RBM25: variants seen among roughly 807,000 people sequenced by gnomAD.
RBM25 encodes the protein RNA binding motif protein 25.
Under a neutral mutation model 120.7 loss-of-function variants are expected in RBM25, and 19 were observed. The ratio of observed to expected loss-of-function variants is 0.16; its 90% CI spans 0.11 to 0.23. The LOEUF is 0.23. RBM25 is among the 10% of genes least tolerant of loss of function. The pLI, the probability that RBM25 is intolerant of heterozygous loss-of-function variation, is 1.00. For synonymous variants in RBM25, 390 were observed against 326.7 expected, an observed-to-expected ratio of 1.19 and a Z score of -2.09; for missense variants, 605 against 1,041.5, an observed-to-expected ratio of 0.58 and a Z score of 5.77.
intron 14 of RBM25, among the ~76,000 whole-genome samples, 176 bp downstream of exon 14, chr14:73,109,668 C>T (rs923827278): frequency 6.6e-6 from 1 of 152,010 alleles, no homozygotes; most frequent in East Asian, 2.0e-4. Context: ...TGGTGGGCGC[C>T]TGTAGTCCCA....
intron 2 of RBM25, among the ~76,000 whole-genome samples, chr14:73,074,492 G>T (rs1895367322): frequency 2.0e-5 from 3 of 152,070 alleles, no homozygotes; most frequent in Admixed American, 2.0e-4. Context: ...CATCACTTTG[G>T]GAGGCTGAGG....
intron 16 of RBM25, 35 bp downstream of exon 16, chr14:73,111,837 G>A (rs1566601340): frequency 6.5e-7 from 1 of 1,533,026 alleles, no homozygotes. Context: ...ATATTATTGG[G>A]AACAGTTGGA....
chr14:73,061,873 T>C (rs1181377156), intron 1 of RBM25, among the ~76,000 whole-genome samples: 1 of 151,440 alleles, frequency 6.6e-6, no homozygotes, highest in African/African-American at 2.4e-5. Context: ...GCCTTGTTTT[T>C]GTTTTTAAAA....
chr14:73,119,680 C>G (rs1001237806), intron 18 of RBM25, 33 bp from the exon 19 acceptor site: 3 of 1,608,314 alleles, frequency 1.9e-6, no homozygotes, highest in Non-Finnish European at 2.5e-6. Flanking sequence ...GATTGCTTCT[C>G]TTACATGTGT....
intron 17 of RBM25, among the ~76,000 whole-genome samples, 172 bp downstream of exon 17, chr14:73,112,422 T>A (rs1222729518): frequency 2.0e-5 from 3 of 151,912 alleles, no homozygotes; most frequent in Non-Finnish European, 4.4e-5. Flanking sequence ...TGTTTTTTTT[T>A]ATTCACTGCA....
At chr14:73,093,937 G>A (rs1205146876) in intron 6 of RBM25, among the ~76,000 whole-genome samples, 1 of 148,452 alleles carries the variant, frequency 6.7e-6, no homozygotes, top group Non-Finnish European at 1.5e-5. Context: ...CATCTACCAT[G>A]ATCAGGTTTT....
intron 10 of RBM25, among the ~76,000 whole-genome samples, chr14:73,104,889 G>A (rs1308685341): frequency 3.3e-5 from 5 of 152,100 alleles, no homozygotes; most frequent in Admixed American, 1.3e-4. Context: ...TGGAAACCCA[G>A]AGCTCTCAAC....
At chr14:73,090,052 AC>A (rs529824566) in intron 6 of RBM25, among the ~76,000 whole-genome samples, 2 of 147,334 alleles carry the variant, frequency 1.4e-5, no homozygotes, top group East Asian at 2.1e-4. Context: ...AGAAAAAAGT[AC>A]CCCCCCTCTT....
At chr14:73,068,428 CTTAT>C (rs1397187760) in intron 1 of RBM25, 54 of 654,496 alleles carry the variant, frequency 8.3e-5, no homozygotes, top group Non-Finnish European at 1.5e-4. Flanking sequence ...GGATCTGAGA[CTTAT>C]TCAGACTACC....
chr14:73,112,309 C>T (rs1896325182), intron 17 of RBM25, 59 bp downstream of exon 17: 2 of 1,430,442 alleles, frequency 1.4e-6, no homozygotes, highest in Non-Finnish European at 9.2e-7. Flanking sequence ...ATATTAGACA[C>T]TTCTTAAAAG....
At chr14:73,076,271 G>T in intron 2 of RBM25, 48 bp from the exon 3 acceptor site, 1 of 1,458,384 alleles carries the variant, frequency 6.9e-7, no homozygotes, top group Non-Finnish European at 9.6e-7. Flanking sequence ...GCATGTTGTT[G>T]ATAGAGAATG....
At chr14:73,106,135 A>C (rs1896182143) in intron 11 of RBM25, 54 bp downstream of exon 11, 1 of 1,584,350 alleles carries the variant, frequency 6.3e-7, no homozygotes. Context: ...TAATAGGTTA[A>C]TCAATATTTA....
intron 7 of RBM25, among the ~76,000 whole-genome samples, chr14:73,097,495 G>A (rs955845507): frequency 2.0e-5 from 3 of 152,022 alleles, no homozygotes; most frequent in Admixed American, 6.6e-5. Context: ...CACCGTGCCC[G>A]GCCACATTTT....
intron 1 of RBM25, among the ~76,000 whole-genome samples, chr14:73,062,394 A>G (rs966260731): frequency 2.6e-5 from 4 of 151,280 alleles, no homozygotes; most frequent in Non-Finnish European, 5.9e-5. Context: ...GTATGTGAAT[A>G]TTTGCTCAGA....
At chr14:73,081,286 C>T (rs60532444) in intron 4 of RBM25, among the ~76,000 whole-genome samples, 4,871 of 152,184 alleles carry the variant, frequency 0.032, 242 homozygotes, top group African/African-American at 0.11. Flanking sequence ...TTCAGGCACC[C>T]GCCACCACGT....
intron 6 of RBM25, among the ~76,000 whole-genome samples, chr14:73,092,478 A>G (rs997140977): frequency 6.6e-6 from 1 of 152,044 alleles, no homozygotes; most frequent in Non-Finnish European, 1.5e-5. Context: ...AGAGAAAACA[A>G]TTAGTTCCTT....
chr14:73,092,216 T>G (rs1895833657), intron 6 of RBM25, among the ~76,000 whole-genome samples: 1 of 129,782 alleles, frequency 7.7e-6, no homozygotes, highest in Non-Finnish European at 1.6e-5. Context: ...GTGGGGGGTG[T>G]AGGGAGAGAT....
At chr14:73,107,962 C>A in intron 13 of RBM25, 63 bp downstream of exon 13, 1 of 1,144,822 alleles carries the variant, frequency 8.7e-7, no homozygotes, top group Non-Finnish European at 1.3e-6. Context: ...TTTCCATCTG[C>A]ACAGTTGATA....
chr14:73,075,315 C>G (rs897634559), intron 2 of RBM25, among the ~76,000 whole-genome samples: 1 of 151,990 alleles, frequency 6.6e-6, no homozygotes, highest in Non-Finnish European at 1.5e-5. Context: ...CGCACCACTA[C>G]GCCTGGCTAA....
Sources: allele counts gnomAD v4.1 joint callset (sites outside exome capture counted in the v4.1 genomes callset), GRCh38; gene constraint gnomAD v4.1.1; transcripts MANE v1.5; gene names NCBI Gene and HGNC (gene_info 2026-07-23, HGNC 2026-07-21).